The following C1orf21 variants were observed in gnomAD, a reference collection of about 807,000 sequenced individuals.
C1orf21 encodes the protein uncharacterized protein C1orf21.
A neutral mutation model predicts 18.7 loss-of-function variants in C1orf21; 3 were observed. The observed-to-expected ratio is 0.16, with a 90% CI of 0.07 to 0.42. The LOEUF is 0.42. C1orf21 is among the 10% of genes least tolerant of loss of function. The pLI, the probability that C1orf21 is intolerant of heterozygous loss-of-function variation, is 0.99. For missense variants in C1orf21, 104 were observed against 143.6 expected (o/e 0.72, Z 1.41); for synonymous variants, 41 against 46.4 (o/e 0.88, Z 0.47).
At chr1:184,603,915 C>G (rs1185976585) in intron 5 of C1orf21, among the ~76,000 whole-genome samples, 1 of 152,170 alleles carries the variant, frequency 6.6e-6, no homozygotes, top group Non-Finnish European at 1.5e-5. Context: ...TTTCCATGGC[C>G]TCAGAACTAA....
chr1:184,421,395 G>C (rs1195513389), intron 1 of C1orf21, among the ~76,000 whole-genome samples: 4 of 152,200 alleles, frequency 2.6e-5, no homozygotes, highest in Non-Finnish European at 5.9e-5. Context: ...GCCATTCTCA[G>C]CTTTGAATGT....
At chr1:184,581,078 T>C (rs1659268087) in intron 3 of C1orf21, among the ~76,000 whole-genome samples, 2 of 152,182 alleles carry the variant, frequency 1.3e-5, no homozygotes, top group Non-Finnish European at 2.9e-5. Flanking sequence ...GGTGATTAGA[T>C]TAAGCAGAGC....
intron 4 of C1orf21, among the ~76,000 whole-genome samples, chr1:184,595,231 T>G (rs1022877463): frequency 1.3e-5 from 2 of 152,222 alleles, no homozygotes; most frequent in Non-Finnish European, 2.9e-5. Context: ...GTGAATCTTT[T>G]GTAAGTGAAT....
intron 3 of C1orf21, among the ~76,000 whole-genome samples, chr1:184,530,328 C>G (rs1334479027): frequency 6.6e-6 from 1 of 152,000 alleles, no homozygotes; most frequent in Non-Finnish European, 1.5e-5. Context: ...TGGCACCCAC[C>G]ACATAGATTT....
chr1:184,391,867 C>G (rs1325054433), intron 1 of C1orf21, among the ~76,000 whole-genome samples: 1 of 152,024 alleles, frequency 6.6e-6, no homozygotes, highest in African/African-American at 2.4e-5. Context: ...GCCACCATGG[C>G]TGGCTAATTT....
At chr1:184,472,089 C>T (rs1657504639) in intron 1 of C1orf21, among the ~76,000 whole-genome samples, 1 of 152,058 alleles carries the variant, frequency 6.6e-6, no homozygotes, top group South Asian at 2.1e-4. Flanking sequence ...ACACTCATTA[C>T]AGTGAAGCCC....
chr1:184,497,987 ATCT>A lies in C1orf21; in HGVS notation c.95-9597_95-9595del, dbSNP rs1165619913. On this transcript the variant is annotated intron_variant, in intron 2 of 5. Coordinates refer to ENST00000235307, the MANE Select transcript of C1orf21 (RefSeq NM_030806.4). ...ACCTCAAAAATCTCTCATCTCTCTC[ATCT>A]TCTGCAAAACTTTCCCTCCTGCTCA... Among the ~76,000 whole-genome samples the A allele has an allele frequency of 2.6e-5, 4 of 151,958 alleles. No individual in the cohort carries two copies. The East Asian group carries it at 7.7e-4, about 29-fold the overall frequency.
At chr1:184,508,500 A>G (rs1205603463) in intron 3 of C1orf21, among the ~76,000 whole-genome samples, 2 of 152,148 alleles carry the variant, frequency 1.3e-5, no homozygotes, top group African/African-American at 2.4e-5. Flanking sequence ...CACTTGACTT[A>G]AACTCGTTTT....
rs1051996645 is a variant in C1orf21 at position 184,628,879 on chromosome 1, T to G, written c.*9323T>G. The G allele has an allele frequency of 2.0e-5, 3 of 152,548 alleles. No individual in the cohort carries two copies. The highest frequency in any genetic ancestry group is 6.5e-5 in the Admixed American group (1 of 15,282). The allele number at this position is 152,548 out of a possible 1,614,324, so 9.4% of individuals were successfully genotyped here. A position where few individuals can be genotyped will look rare whatever the true frequency, so the allele number is the denominator to read the frequency against. On this transcript the variant is annotated 3_prime_UTR_variant, in exon 6 of 6. Coordinates refer to ENST00000235307, the MANE Select transcript of C1orf21 (RefSeq NM_030806.4). ...ATTATTTTTGATTTGACCACCAAGATGTAATGATGATTCTATTCCATTTTG... is the reference window on the plus strand; with the variant it reads ...ATTATTTTTGATTTGACCACCAAGAGGTAATGATGATTCTATTCCATTTTG...
chr1:184,530,533 A>T, intron 3 of C1orf21, among the ~76,000 whole-genome samples: 1 of 148,226 alleles, frequency 6.7e-6, no homozygotes, highest in African/African-American at 2.5e-5. Flanking sequence ...AGTTCTTTTT[A>T]TGCTTTCCCT....
At chr1:184,504,625 G>A (rs559697239) in intron 2 of C1orf21, among the ~76,000 whole-genome samples, 17 of 152,228 alleles carry the variant, frequency 1.1e-4, no homozygotes, top group Admixed American at 9.8e-4. Context: ...CTTCCTTCCC[G>A]GCACCAGCCT....
At chr1:184,469,267 A>C (rs1316045635) in intron 1 of C1orf21, among the ~76,000 whole-genome samples, 2 of 152,096 alleles carry the variant, frequency 1.3e-5, no homozygotes, top group African/African-American at 2.4e-5. Flanking sequence ...AAACAAACGA[A>C]CAAAAAAAAC....
chr1:184,410,114 G>A (rs570640595), intron 1 of C1orf21, among the ~76,000 whole-genome samples: 22 of 152,154 alleles, frequency 1.4e-4, no homozygotes, highest in African/African-American at 5.3e-4. Context: ...AGAACTTATT[G>A]TTCTGGCCAA....
intron 1 of C1orf21, among the ~76,000 whole-genome samples, chr1:184,430,113 CAAAAA>C (rs34368090): frequency 1.0e-5 from 1 of 100,330 alleles, no homozygotes. Context: ...CTCCGTCTCA[CAAAAA>C]AAAAAAAAAA....
intron 2 of C1orf21, among the ~76,000 whole-genome samples, chr1:184,485,569 G>A (rs962030238): frequency 6.6e-6 from 1 of 152,098 alleles, no homozygotes; most frequent in Non-Finnish European, 1.5e-5. Flanking sequence ...GGAGGCAGTG[G>A]CCCTCATTTT....
intron 1 of C1orf21, among the ~76,000 whole-genome samples, chr1:184,403,742 T>G (rs1360284049): frequency 6.6e-6 from 1 of 152,204 alleles, no homozygotes; most frequent in Non-Finnish European, 1.5e-5. Flanking sequence ...GCTTTTAATT[T>G]TTTATTTAGT....
chr1:184,591,239 T>C (rs371895622), intron 4 of C1orf21, among the ~76,000 whole-genome samples: 5 of 152,196 alleles, frequency 3.3e-5, no homozygotes, highest in African/African-American at 9.6e-5. Context: ...GCCTACCAGA[T>C]AATCAAGATC....
intron 3 of C1orf21, among the ~76,000 whole-genome samples, chr1:184,583,796 G>A (rs544519386): frequency 6.6e-6 from 1 of 152,232 alleles, no homozygotes; most frequent in South Asian, 2.1e-4. Context: ...GATGAAAAAC[G>A]AACTGCCTGT....
intron 2 of C1orf21, among the ~76,000 whole-genome samples, chr1:184,495,909 C>G (rs577481011): frequency 1.6e-5 from 2 of 128,624 alleles, no homozygotes; most frequent in Admixed American, 8.5e-5. Context: ...CAGAGTGAGA[C>G]TCTGTCTCAA....
Sources: gnomAD v4.1 joint callset for allele counts (sites outside exome capture counted in the v4.1 genomes callset) on GRCh38, gnomAD v4.1.1 for gene constraint, MANE v1.5 for transcripts, NCBI Gene and HGNC (gene_info 2026-07-23, HGNC 2026-07-21) for gene names.